The following KCNIP4 variants were observed in gnomAD, a reference collection of about 807,000 sequenced individuals.
KCNIP4 encodes the protein Kv channel-interacting protein 4.
KCNIP4 carries 12 observed loss-of-function variants against 34.0 expected under a neutral mutation model. The ratio of observed to expected loss-of-function variants is 0.35; its 90% CI spans 0.23 to 0.57. The LOEUF is 0.57. Among genes scored for constraint, KCNIP4 ranks in the 20% least tolerant of loss-of-function variants. The pLI is 0.83. For missense variants in KCNIP4, 238 were observed against 311.7 expected (o/e 0.76, Z 1.78); for synonymous variants, 124 against 102.2 (o/e 1.21, Z -1.29).
At chr4:21,792,943 G>A (rs991703167) in intron 1 of KCNIP4, among the ~76,000 whole-genome samples, 3 of 152,192 alleles carry the variant, frequency 2.0e-5, no homozygotes, top group Admixed American at 6.5e-5. Context: ...CAGAGTATGT[G>A]AGAGAAATTT....
intron 1 of KCNIP4, among the ~76,000 whole-genome samples, chr4:21,186,010 A>G (rs1182524661): frequency 6.6e-6 from 1 of 152,176 alleles, no homozygotes; most frequent in Non-Finnish European, 1.5e-5. Flanking sequence ...TATCCTAGAG[A>G]GTAACCTTCT....
At chr4:21,701,792 C>T (rs1046529530) in intron 1 of KCNIP4, among the ~76,000 whole-genome samples, 1 of 152,008 alleles carries the variant, frequency 6.6e-6, no homozygotes, top group Non-Finnish European at 1.5e-5. Flanking sequence ...CAACCTCTAC[C>T]TCCTGGGTTC....
At chr4:21,234,721 C>G (rs1390263098) in intron 1 of KCNIP4, among the ~76,000 whole-genome samples, 2 of 150,924 alleles carry the variant, frequency 1.3e-5, no homozygotes, top group Non-Finnish European at 2.9e-5. Flanking sequence ...AATCTCAGCT[C>G]ACCACAACCT....
At chr4:20,854,618 T>C (rs550848738) in intron 2 of KCNIP4, among the ~76,000 whole-genome samples, 1 of 152,252 alleles carries the variant, frequency 6.6e-6, no homozygotes, top group South Asian at 2.1e-4. Flanking sequence ...ATACCACCTG[T>C]ACCCCAATAA....
chr4:21,938,501 A>G (rs975730822), intron 1 of KCNIP4, among the ~76,000 whole-genome samples: 2 of 152,154 alleles, frequency 1.3e-5, no homozygotes, highest in African/African-American at 4.8e-5. Flanking sequence ...GCTCTTTTCT[A>G]CGTAAGGTTT....
At chr4:20,886,313 A>G (rs1725306012) in intron 1 of KCNIP4, among the ~76,000 whole-genome samples, 1 of 152,190 alleles carries the variant, frequency 6.6e-6, no homozygotes, top group African/African-American at 2.4e-5. Flanking sequence ...TCCATAGTTC[A>G]GGGAGGTAGA....
Position 20,729,486 on chromosome 4 carries a change from T to TTAA in KCNIP4, c.*593_*595dup, listed in dbSNP as rs1747269033. The TTAA allele has an allele frequency of 8.4e-6, 1 of 118,550 alleles. No homozygotes were observed. Among genetic ancestry groups the TTAA allele is most frequent in the African/African-American group, 3.7e-5 (1 of 27,230 alleles). 7.3% of individuals were successfully genotyped at this position (118,550 alleles called of 1,614,324 possible). A position where few individuals can be genotyped will look rare whatever the true frequency, so the allele number is the denominator to read the frequency against. ...TGATAATAAACTAATTTTTAAATGTTTAATAATTTTTAAATGTTTAAAAAT... is the reference window on the plus strand; with the variant it reads ...TGATAATAAACTAATTTTTAAATGTTTAATAATAATTTTTAAATGTTTAAAAAT... On this transcript the variant is annotated 3_prime_UTR_variant, in exon 9 of 9. Transcript: ENST00000382152.
At chr4:21,907,863 T>C (rs1228535899) in intron 1 of KCNIP4, among the ~76,000 whole-genome samples, 1 of 152,150 alleles carries the variant, frequency 6.6e-6, no homozygotes, top group Non-Finnish European at 1.5e-5. Flanking sequence ...AAGTTTATGA[T>C]AGAAAAAATA....
chr4:21,380,444 G>GGAGAGA (rs1721379748), intron 1 of KCNIP4, among the ~76,000 whole-genome samples: 1 of 134,572 alleles, frequency 7.4e-6, no homozygotes, highest in Admixed American at 7.5e-5. Flanking sequence ...GGAGAGGGAG[G>GGAGAGA]GAGAGGGAGA....
At chr4:21,020,065 C>T (rs13133807) in intron 1 of KCNIP4, among the ~76,000 whole-genome samples, 14,466 of 152,070 alleles carry the variant, frequency 0.095, 905 homozygotes, top group South Asian at 0.17. Context: ...ATAAAGCATG[C>T]TTCTGCTGTT....
At chr4:21,723,351 A>T (rs532346889) in intron 1 of KCNIP4, among the ~76,000 whole-genome samples, 1 of 152,276 alleles carries the variant, frequency 6.6e-6, no homozygotes, top group African/African-American at 2.4e-5. Flanking sequence ...GCTAATATTC[A>T]CTGCTGCTTC....
At chr4:20,922,102 G>C (rs576691996) in intron 1 of KCNIP4, among the ~76,000 whole-genome samples, 1 of 152,302 alleles carries the variant, frequency 6.6e-6, no homozygotes, top group South Asian at 2.1e-4. Context: ...GCCCAGCTTT[G>C]TGACTGTTAC....
At chr4:21,316,279 C>T (rs1347199330) in intron 1 of KCNIP4, 2 of 152,116 alleles carry the variant, frequency 1.3e-5, no homozygotes, top group Non-Finnish European at 2.9e-5. Flanking sequence ...TTTCTCTCCT[C>T]AGTACTTATC....
At chr4:21,888,633 T>C (rs890009345) in intron 1 of KCNIP4, among the ~76,000 whole-genome samples, 7 of 152,228 alleles carry the variant, frequency 4.6e-5, no homozygotes, top group Non-Finnish European at 1.0e-4. Context: ...GTTAATTCTA[T>C]ACCCTCCCCT....
At chr4:21,593,113 GTGTGTT>G (rs754265669) in intron 1 of KCNIP4, among the ~76,000 whole-genome samples, 3 of 99,552 alleles carry the variant, frequency 3.0e-5, no homozygotes, top group Admixed American at 2.5e-4. Flanking sequence ...ATGTGTGTGT[GTGTGTT>G]TGTGTGTGTG....
At chr4:21,287,911 A>G (rs949496848) in intron 1 of KCNIP4, among the ~76,000 whole-genome samples, 1 of 152,226 alleles carries the variant, frequency 6.6e-6, no homozygotes, top group African/African-American at 2.4e-5. Flanking sequence ...AATCTGATTT[A>G]GCAATATAAA....
chr4:21,169,433 T>A (rs1367363326), intron 1 of KCNIP4, among the ~76,000 whole-genome samples: 1 of 151,982 alleles, frequency 6.6e-6, no homozygotes, highest in Non-Finnish European at 1.5e-5. Flanking sequence ...ATTACAGGTG[T>A]GTAATCTCAC....
intron 3 of KCNIP4, among the ~76,000 whole-genome samples, chr4:20,838,063 A>G (rs1460452966): frequency 1.3e-5 from 2 of 152,144 alleles, no homozygotes; most frequent in Non-Finnish European, 2.9e-5. Context: ...AAGTTGATCC[A>G]CATAGCAGTC....
intron 1 of KCNIP4, among the ~76,000 whole-genome samples, chr4:21,810,487 G>A (rs1392574410): frequency 2.0e-5 from 3 of 151,882 alleles, no homozygotes; most frequent in South Asian, 2.1e-4. Context: ...TCAGGAGATC[G>A]AGACCATCCC....
Sources: allele counts gnomAD v4.1 joint callset (sites outside exome capture counted in the v4.1 genomes callset), GRCh38; gene constraint gnomAD v4.1.1; transcripts MANE v1.5; gene names NCBI Gene and HGNC (gene_info 2026-07-23, HGNC 2026-07-21).